The following TRARG1 variants were observed in gnomAD, a reference collection of about 807,000 sequenced individuals.
TRARG1 encodes trafficking regulator of GLUT4 1.
A neutral mutation model predicts 13.3 loss-of-function variants in TRARG1; 16 were observed. That is an observed-to-expected ratio of 1.20 (90% confidence interval 0.81 to 1.83). TRARG1 has a LOEUF of 1.83. Among genes scored for constraint, TRARG1 ranks in the 40% most tolerant of loss-of-function variants. The probability of loss-of-function intolerance (pLI) is 0.00; values close to 1 mark genes in which losing one functional copy is unlikely to be tolerated. For synonymous variants in TRARG1, 113 were observed against 106.2 expected (o/e 1.06, Z -0.39); for missense variants, 250 against 237.4 (o/e 1.05, Z -0.35).
intron 1 of TRARG1, among the ~76,000 whole-genome samples, chr17:1,293,603 ATGTCGTGG>A (rs2072089749): frequency 6.7e-6 from 1 of 149,660 alleles, no homozygotes. Flanking sequence ...GAGTTTGATG[ATGTCGTGG>A]GTTGTGTTTG....
At chr17:1,291,369 C>G (rs2072068256) in intron 1 of TRARG1, among the ~76,000 whole-genome samples, 1 of 152,234 alleles carries the variant, frequency 6.6e-6, no homozygotes, top group African/African-American at 2.4e-5. Context: ...CCTCGGCCTC[C>G]CAAACTGCTG....
intron 2 of TRARG1, among the ~76,000 whole-genome samples, chr17:1,297,037 G>T (rs1385162964): frequency 1.3e-5 from 2 of 152,226 alleles, no homozygotes; most frequent in East Asian, 1.9e-4. Flanking sequence ...GGTCTGAACT[G>T]CCGATTTTCT....
intron 1 of TRARG1, among the ~76,000 whole-genome samples, chr17:1,289,436 C>T (rs141018167): frequency 4.6e-4 from 58 of 125,264 alleles, no homozygotes; most frequent in South Asian, 3.6e-3. Context: ...TCATCCCCCA[C>T]GGGCTCCTCA....
At chr17:1,294,625 C>G (rs1419367485) in intron 1 of TRARG1, among the ~76,000 whole-genome samples, 1 of 151,598 alleles carries the variant, frequency 6.6e-6, no homozygotes, top group Non-Finnish European at 1.5e-5. Flanking sequence ...CACCACCATG[C>G]CCAGCTAATT....
In TRARG1 at chr17:1,295,513, G is replaced by T. The variant is rs781071180; in HGVS notation, c.410G>T (p.Gly137Val). Residue 137 changes from glycine (G) to valine (V), a missense_variant, in exon 2 of 3, where the codon GGC becomes GTC. By Grantham distance (109) the Gly-to-Val change is moderately radical (BLOSUM62 -3). Coordinates refer to ENST00000333813, the MANE Select transcript of TRARG1 (RefSeq NM_172367.3). ...SIMSRSSMQQ[G>V]NVDGARRLGR... is the part of the protein sequence containing the mutation. ...CAGTCTCGAAGCAGCATGCAACAGG[G>T]CAACGTGGACGGCGCCCGGAGGCTG... The T allele has an allele frequency of 6.2e-7, 1 of 1,610,806 alleles. No individual in the cohort carries two copies. Among genetic ancestry groups the T allele is most frequent in the Admixed American group, 1.7e-5 (1 of 59,630 alleles).
chr17:1,297,924 T>C (rs2072124195), intron 2 of TRARG1, among the ~76,000 whole-genome samples: 1 of 152,126 alleles, frequency 6.6e-6, no homozygotes. Flanking sequence ...CACATTTTAA[T>C]CAGTCCAGTA....
Position 1,280,103 on chromosome 17 carries a change from G to A in TRARG1, c.102G>A (p.Glu34=), listed in dbSNP as rs75025906. The change falls in exon 1 of 3, where the codon GAG becomes GAA. Residue 34 remains glutamate (E), a synonymous_variant. Transcript: ENST00000333813. ...TGGAGATACTCCTCACCAAGGCAGA[G>A]AACAAGGATGACAAGACCCTGAATC... ...PEMEILLTKA[E]NKDDKTLNLS... is the part of the protein sequence containing the mutation. The A allele has an allele frequency of 3.7e-6, 6 of 1,613,760 alleles. No individual in the cohort carries two copies. The Middle Eastern group carries it at 4.9e-4, about 133-fold the overall frequency.
chr17:1,297,592 C>CTTTT (rs35978298), intron 2 of TRARG1, among the ~76,000 whole-genome samples: 1 of 97,928 alleles, frequency 1.0e-5, no homozygotes, highest in African/African-American at 4.0e-5. Flanking sequence ...TTAGCCAGGA[C>CTTTT]TTTTTTTTTT....
intron 1 of TRARG1, among the ~76,000 whole-genome samples, chr17:1,291,832 A>G (rs1393959272): frequency 2.0e-5 from 3 of 152,314 alleles, no homozygotes; most frequent in African/African-American, 7.2e-5. Context: ...GCCAGAATAA[A>G]GCCCTGTGGA....
chr17:1,294,468 C>CTTTTTTTTTT (rs542504095), intron 1 of TRARG1, among the ~76,000 whole-genome samples: 1 of 113,446 alleles, frequency 8.8e-6, no homozygotes, highest in African/African-American at 3.6e-5. Flanking sequence ...AAGACAGTGT[C>CTTTTTTTTTT]TTTTTTTTTT....
chr17:1,297,156 T>C (rs998760201), intron 2 of TRARG1, among the ~76,000 whole-genome samples: 2 of 152,152 alleles, frequency 1.3e-5, no homozygotes, highest in Non-Finnish European at 2.9e-5. Context: ...TCCCTGGACC[T>C]GTGACGGGAT....
At position 1,298,436 on chromosome 17, in the gene TRARG1, A is replaced by C; in HGVS notation, c.*172A>C. 1 of 636,566 alleles carries C rather than the reference A, an allele frequency of 1.6e-6. No homozygotes were observed. The highest frequency in any genetic ancestry group is 2.6e-6 in the Non-Finnish European group (1 of 382,212). 39.4% of individuals were successfully genotyped at this position (636,566 alleles called of 1,614,324 possible). On this transcript the variant is annotated 3_prime_UTR_variant, in exon 3 of 3. Coordinates refer to ENST00000333813, the MANE Select transcript of TRARG1 (RefSeq NM_172367.3). ...GTCACCCACTGTCAGCCCCCATCTGACAAGAAAGCCTGGAGCGAGGAAGGA... is the reference window on the plus strand; with the variant it reads ...GTCACCCACTGTCAGCCCCCATCTGCCAAGAAAGCCTGGAGCGAGGAAGGA...
At chr17:1,294,655 G>A (rs4024025) in intron 1 of TRARG1, among the ~76,000 whole-genome samples, 65,024 of 145,414 alleles carry the variant, frequency 0.45, 14,840 homozygotes, top group African/African-American at 0.58. Flanking sequence ...TATTAGAGAC[G>A]GGGTTTCACC....
Position 1,298,253 on chromosome 17 carries a change from C to CAGA in TRARG1, c.528_530dup (p.Lys177dup), listed in dbSNP as rs752300685. 20 of 1,613,592 alleles carry CAGA rather than the reference C, an allele frequency of 1.2e-5. No individual in the cohort carries two copies. The African/African-American group carries it at 2.3e-4, about 18-fold the overall frequency. On this transcript the variant is annotated inframe_insertion, in exon 3 of 3. Coordinates refer to ENST00000333813, the MANE Select transcript of TRARG1 (RefSeq NM_172367.3). ...ATATCTGTTTTTTTTCTTTACAGTT[C>CAGA]AGAAGAAATAAACTTAAGCAGGGAG...
intron 1 of TRARG1, among the ~76,000 whole-genome samples, chr17:1,286,849 T>G (rs1430454918): frequency 7.1e-6 from 1 of 140,178 alleles, no homozygotes; most frequent in African/African-American, 2.6e-5. Context: ...CTGTGGGGTG[T>G]TGTTGTCGGC....
intron 1 of TRARG1, among the ~76,000 whole-genome samples, chr17:1,282,880 G>A (rs962806343): frequency 6.6e-6 from 1 of 151,984 alleles, no homozygotes; most frequent in African/African-American, 2.4e-5. Context: ...AGTAGAGACG[G>A]GGTTTCTCCA....
In TRARG1 at chr17:1,299,340, C is replaced by T. The variant is rs57759783; in HGVS notation, c.*1076C>T. 3,779 of 152,344 alleles carry T rather than the reference C, an allele frequency of 0.025. 166 individuals carry two copies. Among genetic ancestry groups the T allele is most frequent in the African/African-American group, 0.086 (3,578 of 41,528 alleles). The allele number at this position is 152,344 out of a possible 1,614,324, so 9.4% of individuals were successfully genotyped here. A position where few individuals can be genotyped will look rare whatever the true frequency, so the allele number is the denominator to read the frequency against. On this transcript the variant is annotated 3_prime_UTR_variant, in exon 3 of 3. Transcript: ENST00000333813. ...GGTCCCAGGCTGTCAGGGGCGTTTGCGCCACCTGCAAGGGCGTGGGTCAGA... is the reference window on the plus strand; with the variant it reads ...GGTCCCAGGCTGTCAGGGGCGTTTGTGCCACCTGCAAGGGCGTGGGTCAGA...
chr17:1,280,170 A>G lies in TRARG1; in HGVS notation c.169A>G (p.Ser57Gly), dbSNP rs6502776. The stretch of plus-strand genomic sequence containing the variant: ...GGGGCCTCTGGATCTGGAGCAGAAC[A>G]GCCAGGGCCTACCCTTCAAGGCCAT... Reference protein sequence around the residue: ...LSGPLDLEQNSQGLPFKAISE... With the variant: ...LSGPLDLEQNGQGLPFKAISE... Residue 57 changes from serine to glycine, a missense_variant, in exon 1 of 3, where the codon AGC (serine) becomes GGC (glycine). By Grantham distance (56) the Ser-to-Gly change is moderately conservative. Transcript: ENST00000333813. The G allele has an allele frequency of 0.76, 1,226,439 of 1,613,876 alleles. 467,785 individuals carry two copies. Among genetic ancestry groups the G allele is most frequent in the East Asian group, 0.92 (41,354 of 44,866 alleles).
chr17:1,294,731 G>C (rs2072098568), intron 1 of TRARG1, among the ~76,000 whole-genome samples: 1 of 149,994 alleles, frequency 6.7e-6, no homozygotes, highest in Non-Finnish European at 1.5e-5. Flanking sequence ...TGTCTCCCAG[G>C]CTAGGGTGCA....
Sources: allele counts gnomAD v4.1 joint callset (sites outside exome capture counted in the v4.1 genomes callset), GRCh38; gene constraint gnomAD v4.1.1; transcripts MANE v1.5; gene names NCBI Gene and HGNC (gene_info 2026-07-23, HGNC 2026-07-21).